Variants in MYO5A observed in about 807,000 individuals in gnomAD.
The protein encoded by MYO5A is myosin VA.
Under a neutral mutation model 249.7 loss-of-function variants are expected in MYO5A, and 98 were observed. The ratio of observed to expected loss-of-function variants is 0.39; its 90% CI spans 0.33 to 0.46. The LOEUF (loss-of-function observed/expected upper bound fraction) is 0.46. MYO5A is among the 20% of genes least tolerant of loss of function. The pLI is 0.98. For missense variants in MYO5A, 1,696 were observed against 2,308.8 expected (o/e 0.73, Z 5.44); for synonymous variants, 778 against 810.6 (o/e 0.96, Z 0.68).
In MYO5A at chr15:52,307,576, C is replaced by G. The variant is rs1288941643; in HGVS notation, c.*6120G>C. On this transcript the variant is annotated 3_prime_UTR_variant, in exon 42 of 42. Transcript: ENST00000399233. ...TTAGTTGATAATGCCTTTCATGTCT[C>G]AGTATTTCTGCTTCCTTTTTAATGG... 1 of 152,090 alleles carries G rather than the reference C, an allele frequency of 6.6e-6. No individual in the cohort carries two copies. Among genetic ancestry groups the G allele is most frequent in the Non-Finnish European group, 1.5e-5 (1 of 67,970 alleles). 9.4% of individuals were successfully genotyped at this position (152,090 alleles called of 1,614,324 possible).
At chr15:52,424,081 C>A (rs1595655447) in intron 4 of MYO5A, among the ~76,000 whole-genome samples, 1 of 152,194 alleles carries the variant, frequency 6.6e-6, no homozygotes, top group African/African-American at 2.4e-5. Context: ...GGTGTCGAAA[C>A]TGTACTGCAA....
chr15:52,364,783 T>C (rs2040730413), intron 23 of MYO5A, 81 bp from the exon 24 acceptor site: 1 of 1,529,534 alleles, frequency 6.5e-7, no homozygotes, highest in Non-Finnish European at 9.0e-7. Flanking sequence ...TGATTTCCAG[T>C]TTCTCTGTAG....
intron 1 of MYO5A, among the ~76,000 whole-genome samples, chr15:52,517,109 A>G (rs1340821320): frequency 6.6e-6 from 1 of 152,260 alleles, no homozygotes; most frequent in African/African-American, 2.4e-5. Context: ...AAAAGCAGAA[A>G]GCATCTTCTA....
chr15:52,476,273 A>T (rs1225862333), intron 1 of MYO5A, among the ~76,000 whole-genome samples: 8 of 150,878 alleles, frequency 5.3e-5, no homozygotes, highest in African/African-American at 2.0e-4. Context: ...CTTTATTTTG[A>T]GCCTATGTGT....
At chr15:52,454,586 A>G (rs2076082247) in intron 1 of MYO5A, among the ~76,000 whole-genome samples, 1 of 152,146 alleles carries the variant, frequency 6.6e-6, no homozygotes, top group Non-Finnish European at 1.5e-5. Context: ...TATTCTCCAG[A>G]ATAGAACATA....
At chr15:52,379,442 C>T (rs915555411) in intron 18 of MYO5A, among the ~76,000 whole-genome samples, 183 bp downstream of exon 18, 1 of 152,160 alleles carries the variant, frequency 6.6e-6, no homozygotes, top group Non-Finnish European at 1.5e-5. Flanking sequence ...ACAGCTCTGC[C>T]TCCTGACGGT....
intron 25 of MYO5A, among the ~76,000 whole-genome samples, chr15:52,356,800 C>CTT (rs11316458): frequency 9.5e-6 from 1 of 105,818 alleles, no homozygotes; most frequent in African/African-American, 5.6e-5. Flanking sequence ...ATTTCTTTGA[C>CTT]TTTTTTTTTT....
chr15:52,473,217 C>T (rs2076514541), intron 1 of MYO5A, among the ~76,000 whole-genome samples: 1 of 152,170 alleles, frequency 6.6e-6, no homozygotes, highest in South Asian at 2.1e-4. Context: ...TGTTCATATC[C>T]TTCGCCCAGT....
intron 1 of MYO5A, among the ~76,000 whole-genome samples, chr15:52,461,417 A>T (rs909807046): frequency 6.6e-6 from 1 of 152,240 alleles, no homozygotes; most frequent in Admixed American, 6.5e-5. Flanking sequence ...AAAAACAAAA[A>T]TACTGTAATT....
At chr15:52,352,652 G>A (rs780424240) in intron 27 of MYO5A, among the ~76,000 whole-genome samples, 20 of 152,116 alleles carry the variant, frequency 1.3e-4, no homozygotes, top group Middle Eastern at 3.4e-3. Context: ...GCGTGGTGGC[G>A]GGCACCTGTA....
chr15:52,497,017 A>G (rs2077051195), intron 1 of MYO5A, among the ~76,000 whole-genome samples: 1 of 152,196 alleles, frequency 6.6e-6, no homozygotes, highest in African/African-American at 2.4e-5. Context: ...GCTGCACTGC[A>G]GTGACACAAT....
chr15:52,489,331 G>A (rs547431632), intron 1 of MYO5A, among the ~76,000 whole-genome samples: 26 of 152,004 alleles, frequency 1.7e-4, no homozygotes, highest in African/African-American at 6.0e-4. Context: ...TTGGGAGGCC[G>A]GGGCGGGCGG....
chr15:52,523,321 C>T (rs1362120939), intron 1 of MYO5A, among the ~76,000 whole-genome samples: 3 of 152,214 alleles, frequency 2.0e-5, no homozygotes, highest in Non-Finnish European at 4.4e-5. Context: ...TCCTGTTCAA[C>T]ATGCCTGAAA....
chr15:52,450,601 G>A (rs2075995134), intron 1 of MYO5A, among the ~76,000 whole-genome samples: 1 of 151,620 alleles, frequency 6.6e-6, no homozygotes, highest in Admixed American at 6.6e-5. Context: ...CTCAAGAGGT[G>A]GAGGCTGCAA....
intron 16 of MYO5A, 89 bp downstream of exon 16, chr15:52,383,002 A>C (rs936630548): frequency 1.7e-6 from 2 of 1,166,214 alleles, no homozygotes; most frequent in Admixed American, 1.7e-5. Flanking sequence ...TTCCTTATAA[A>C]AATGTAAGGA....
intron 1 of MYO5A, among the ~76,000 whole-genome samples, chr15:52,502,295 C>G (rs1275384378): frequency 6.6e-6 from 1 of 151,920 alleles, no homozygotes; most frequent in Non-Finnish European, 1.5e-5. Context: ...TACATATATA[C>G]ATACATACAT....
At chr15:52,502,264 C>G (rs1422726988) in intron 1 of MYO5A, among the ~76,000 whole-genome samples, 1 of 151,980 alleles carries the variant, frequency 6.6e-6, no homozygotes, top group East Asian at 1.9e-4. Flanking sequence ...GCCTATGCAA[C>G]AGAGTGAGAC....
In MYO5A at chr15:52,321,508, C is replaced by A. The variant is rs1422965677; in HGVS notation, c.4802G>T (p.Gly1601Val). 1 of 1,614,134 alleles carries A rather than the reference C, an allele frequency of 6.2e-7. No individual in the cohort carries two copies. Among genetic ancestry groups the A allele is most frequent in the Admixed American group, 1.7e-5 (1 of 60,034 alleles). The change falls in exon 38 of 42, where the codon GGC (glycine) becomes GTC (valine). Residue 1601 changes from glycine to valine, a missense_variant and splice_region_variant. Coordinates refer to ENST00000399233, the MANE Select transcript of MYO5A (RefSeq NM_001382347.1). ...GCGAGATGTGTTGTGCTTCATAAAG[C>A]CCTAGAGTCATAAGGCAAAGTTAAT... ...HCLKQYSGEE[G>V]FMKHNTSRQN...
At chr15:52,403,127 A>G (rs1252259132) in intron 9 of MYO5A, among the ~76,000 whole-genome samples, 2 of 152,222 alleles carry the variant, frequency 1.3e-5, no homozygotes, top group Non-Finnish European at 2.9e-5. Context: ...CTCATAATGA[A>G]GTGATATATG....
Sources: allele counts gnomAD v4.1 joint callset (sites outside exome capture counted in the v4.1 genomes callset), GRCh38; gene constraint gnomAD v4.1.1; transcripts MANE v1.5; gene names NCBI Gene and HGNC (gene_info 2026-07-23, HGNC 2026-07-21).